Variants in HUS1 observed in about 807,000 individuals in gnomAD.
The protein encoded by HUS1 is checkpoint protein HUS1.
In HUS1, 31 loss-of-function variants were observed where a neutral mutation model predicts 32.6. The observed-to-expected ratio is 0.95, with a 90% confidence interval of 0.72 to 1.28. The LOEUF is 1.28. Ranked by LOEUF, HUS1 falls within the 50% of genes most tolerant of loss-of-function variation. The pLI is 0.00. For missense variants in HUS1, 340 were observed against 337.7 expected (o/e 1.01, Z -0.05); for synonymous variants, 123 against 116.6 (o/e 1.06, Z -0.36).
Position 47,965,321 on chromosome 7 carries a change from C to T in HUS1, c.*35G>A. ...ACACCTGCGGCCTCTCCCATCCTGA[C>T]AAAGTCTCTGCATGCCAACTCCAGC... On this transcript the variant is annotated 3_prime_UTR_variant, in exon 8 of 8. Coordinates refer to ENST00000258774, the MANE Select transcript of HUS1 (RefSeq NM_004507.4). 1 of 1,481,212 alleles carries T rather than the reference C, an allele frequency of 6.8e-7. No homozygotes were observed. Among genetic ancestry groups the T allele is most frequent in the South Asian group, 1.1e-5 (1 of 88,614 alleles). 91.8% of individuals were successfully genotyped at this position (1,481,212 alleles called of 1,614,324 possible).
At position 47,967,994 on chromosome 7, in the gene HUS1, G is replaced by A. The variant is rs1788517203; in HGVS notation, c.641-69C>T. 6.0e-6 allele frequency: 9 copies of A among 1,494,410 alleles called. No homozygotes were observed. The South Asian group carries it at 6.2e-5, about 10-fold the overall frequency. 92.6% of individuals were successfully genotyped at this position (1,494,410 alleles called of 1,614,324 possible). Reference sequence around the variant, plus strand: ...AACAGGAAACCTGGAGATACTCAATGCATTTTACTTAAATAAATGATTCAC... The same window carrying A: ...AACAGGAAACCTGGAGATACTCAATACATTTTACTTAAATAAATGATTCAC... On this transcript the variant is annotated intron_variant, in intron 6 of 7. Coordinates refer to ENST00000258774, the MANE Select transcript of HUS1 (RefSeq NM_004507.4).
intron 3 of HUS1, 77 bp downstream of exon 3, chr7:47,978,340 T>G: frequency 3.9e-6 from 5 of 1,278,762 alleles, no homozygotes; most frequent in Non-Finnish European, 5.5e-6. Flanking sequence ...TATTTATTGT[T>G]AAAAAGGCTA....
chr7:47,965,579 C>A, intron 7 of HUS1, 141 bp from the exon 8 acceptor site: 2 of 615,394 alleles, frequency 3.2e-6, no homozygotes, highest in South Asian at 3.5e-5. Flanking sequence ...AGACCACAGT[C>A]TCTCACTCTC....
rs762603278 is a variant in HUS1, at chr7:47,978,600, GA to G, written c.181-8del. ...ATTCGTTGAAGAAGTTCTCCTAAGG[GA>G]AAAAAAATGAGGGATGAGGGAGGGT... On this transcript the variant is annotated splice_region_variant and splice_polypyrimidine_tract_variant and intron_variant, in intron 2 of 7. Transcript: ENST00000258774. 5 of 1,612,018 alleles carry G rather than the reference GA, an allele frequency of 3.1e-6. No individual in the cohort carries two copies. In the South Asian group the frequency reaches 3.3e-5, roughly 11 times the overall value.
rs1788450148 is a variant in HUS1 at position 47,965,058 on chromosome 7, T to C, written c.*298A>G. 3 of 289,542 alleles carry C rather than the reference T, an allele frequency of 1.0e-5. No homozygotes were observed. In the Admixed American group the frequency reaches 1.3e-4, roughly 13 times the overall value. 17.9% of individuals were successfully genotyped at this position (289,542 alleles called of 1,614,324 possible). On this transcript the variant is annotated 3_prime_UTR_variant, in exon 8 of 8. Transcript: ENST00000258774. Reference sequence around the variant, plus strand: ...GGCTACTACACCAAGTCTAAATACATGACGATTTTCACAACATCAATGAGA... The same window carrying C: ...GGCTACTACACCAAGTCTAAATACACGACGATTTTCACAACATCAATGAGA...
In HUS1 at chr7:47,967,830, C is replaced by G; in HGVS notation, c.736G>C (p.Val246Leu). The part of the protein sequence containing the change: ...KLLQFLAGQQ[V>L]NPTKALCNIV... ...CTGCATAAGGCCTTTGTGGGATTTA[C>G]TTGTTGTCCAGCAAGAAACTGTAGG... is the stretch of plus-strand genomic sequence containing the variant. The change falls in exon 7 of 8, where the codon GTA (valine) becomes CTA (leucine). Residue 246 changes from valine (V) to leucine (L), a missense_variant. Val to Leu is a conservative substitution (Grantham distance 32, BLOSUM62 1). Coordinates refer to ENST00000258774, the MANE Select transcript of HUS1 (RefSeq NM_004507.4). 6.2e-7 allele frequency: 1 copy of G among 1,613,528 alleles called. No homozygotes were observed.
At chr7:47,973,838 C>G (rs922855130) in intron 5 of HUS1, among the ~76,000 whole-genome samples, 2 of 152,148 alleles carry the variant, frequency 1.3e-5, no homozygotes, top group African/African-American at 2.4e-5. Context: ...TTTCATTGAA[C>G]AGAAAGAACA....
At chr7:47,976,101 G>A (rs181188328) in intron 4 of HUS1, 2 of 334,344 alleles carry the variant, frequency 6.0e-6, no homozygotes, top group East Asian at 7.5e-5. Context: ...ACAAAAACAT[G>A]GCAGACAGTC....
At chr7:47,966,396 A>G (rs1396201914) in intron 7 of HUS1, among the ~76,000 whole-genome samples, 3 of 152,214 alleles carry the variant, frequency 2.0e-5, no homozygotes, top group African/African-American at 7.2e-5. Flanking sequence ...TTGGGAAGAC[A>G]CTTGGCTTAG....
rs1440720010 is a variant in HUS1, at chr7:47,971,040, G to A, written c.541-1722C>T. Among the ~76,000 whole-genome samples, 4 of 152,130 alleles carry A rather than the reference G, an allele frequency of 2.6e-5. No individual in the cohort carries two copies. The East Asian group carries it at 7.7e-4, about 29-fold the overall frequency. ...AAAACTAAACAACAGGAATGAAGAGGACAGAATAACGTGTAGTAATAAAAT... is the reference window on the plus strand; with the variant it reads ...AAAACTAAACAACAGGAATGAAGAGAACAGAATAACGTGTAGTAATAAAAT... On this transcript the variant is annotated intron_variant, in intron 5 of 7. Coordinates refer to ENST00000258774, the MANE Select transcript of HUS1 (RefSeq NM_004507.4).
At chr7:47,978,171 A>G in intron 3 of HUS1, 1 of 412,596 alleles carries the variant, frequency 2.4e-6, no homozygotes, top group Non-Finnish European at 4.3e-6. Flanking sequence ...ACTACAAGAA[A>G]CAGAGAGGCT....
At chr7:47,976,680 G>T in intron 4 of HUS1, 50 bp downstream of exon 4, 1 of 995,956 alleles carries the variant, frequency 1.0e-6, no homozygotes, top group Non-Finnish European at 1.6e-6. Flanking sequence ...GAGAATTCAA[G>T]TCATGCCATT....
At chr7:47,971,671 G>T (rs915055427) in intron 5 of HUS1, among the ~76,000 whole-genome samples, 6 of 152,122 alleles carry the variant, frequency 3.9e-5, no homozygotes, top group African/African-American at 1.2e-4. Context: ...AGCCTAGGAG[G>T]TCTCTGGAAA....
intron 4 of HUS1, chr7:47,976,252 G>A: frequency 2.4e-6 from 1 of 421,334 alleles, no homozygotes; most frequent in South Asian, 1.6e-5. Flanking sequence ...AACAAATTGT[G>A]AGCAAGAGGA....
At chr7:47,976,394 C>T (rs748871713) in intron 4 of HUS1, 9 of 465,408 alleles carry the variant, frequency 1.9e-5, no homozygotes, top group Non-Finnish European at 3.9e-5. Context: ...AGATATCGCT[C>T]CTGACCGGCT....
In HUS1 at chr7:47,963,685, TG is replaced by T. The variant is rs1013490077; in HGVS notation, c.*1670del. The T allele has an allele frequency of 1.3e-5, 2 of 151,474 alleles. No individual in the cohort carries two copies. The highest frequency in any genetic ancestry group is 4.9e-5 in the African/African-American group (2 of 41,214). The allele number at this position is 151,474 out of a possible 1,614,324, so 9.4% of individuals were successfully genotyped here. A position where few individuals can be genotyped will look rare whatever the true frequency, so the allele number is the denominator to read the frequency against. On this transcript the variant is annotated 3_prime_UTR_variant, in exon 8 of 8. Transcript: ENST00000258774. ...CAGCACTTTGAGAGGCCAAGGTGGG[TG>T]ATCACGAGGTCGAGATCGAGACCAT...
intron 6 of HUS1, chr7:47,968,972 T>C (rs1013660734): frequency 2.7e-6 from 1 of 376,404 alleles, no homozygotes; most frequent in Admixed American, 4.7e-5. Flanking sequence ...TGATCCGAAT[T>C]CTACAGAGGA....
chr7:47,966,320 T>A (rs956589005), intron 7 of HUS1, among the ~76,000 whole-genome samples: 3 of 152,106 alleles, frequency 2.0e-5, no homozygotes, highest in Admixed American at 6.5e-5. Context: ...TTAAAAAAAA[T>A]TTTTGCTACA....
chr7:47,971,665 T>A (rs1788603668), intron 5 of HUS1: 2 of 420,790 alleles, frequency 4.8e-6, no homozygotes, highest in Admixed American at 5.1e-5. Context: ...TGTTAAAGCC[T>A]AGGAGGTCTC....
Sources: gnomAD v4.1 joint callset for allele counts (sites outside exome capture counted in the v4.1 genomes callset) on GRCh38, gnomAD v4.1.1 for gene constraint, MANE v1.5 for transcripts, NCBI Gene and HGNC (gene_info 2026-07-23, HGNC 2026-07-21) for gene names.